MAPK8: variants seen among roughly 807,000 people sequenced by gnomAD.
MAPK8 encodes the protein JUN N-terminal kinase.
In MAPK8, 13 loss-of-function variants were observed where a neutral mutation model predicts 52.9. That is an observed-to-expected ratio of 0.25 (90% CI 0.16 to 0.39). MAPK8 has a LOEUF of 0.39. MAPK8 is among the 10% of genes least tolerant of loss of function. The pLI, the probability that MAPK8 is intolerant of heterozygous loss-of-function variation, is 1.00. For missense variants in MAPK8, 300 were observed against 519.2 expected, an observed-to-expected ratio of 0.58 and a Z score of 4.10; for synonymous variants, 191 against 169.8, an observed-to-expected ratio of 1.12 and a Z score of -0.97.
intron 11 of MAPK8, 80 bp downstream of exon 11, chr10:48,431,350 C>A (rs2044233247): frequency 2.3e-6 from 2 of 871,678 alleles, no homozygotes; most frequent in African/African-American, 3.4e-5. Flanking sequence ...ACCTGCAGTT[C>A]TTCCCATATT....
intron 2 of MAPK8, 79 bp from the exon 3 acceptor site, chr10:48,404,773 G>C (rs2042370983): frequency 8.9e-7 from 1 of 1,124,158 alleles, no homozygotes; most frequent in Admixed American, 2.1e-5. Flanking sequence ...AGTGAGAAAT[G>C]TATATGACTG....
intron 1 of MAPK8, among the ~76,000 whole-genome samples, chr10:48,374,161 A>C (rs1176393016): frequency 6.6e-6 from 1 of 152,188 alleles, no homozygotes; most frequent in Non-Finnish European, 1.5e-5. Flanking sequence ...AAATAACGAA[A>C]TGAAAGCAGA....
chr10:48,357,426 G>A (rs763963841), intron 1 of MAPK8, among the ~76,000 whole-genome samples: 8 of 152,140 alleles, frequency 5.3e-5, no homozygotes, highest in Non-Finnish European at 1.2e-4. Flanking sequence ...ACAGGGTCTC[G>A]CTCTTTTACC....
chr10:48,344,145 T>G (rs1845550103), intron 1 of MAPK8, among the ~76,000 whole-genome samples: 1 of 152,182 alleles, frequency 6.6e-6, no homozygotes, highest in Non-Finnish European at 1.5e-5. Context: ...AGATCACATA[T>G]TTTCACTCTT....
chr10:48,409,573 A>AT (rs1439108197), intron 3 of MAPK8, among the ~76,000 whole-genome samples: 1 of 152,180 alleles, frequency 6.6e-6, no homozygotes, highest in African/African-American at 2.4e-5. Flanking sequence ...GGTAGAAGGG[A>AT]TTTAAGATTT....
intron 1 of MAPK8, among the ~76,000 whole-genome samples, chr10:48,359,086 ATTC>A (rs541762968): frequency 3.6e-4 from 54 of 152,028 alleles, no homozygotes; most frequent in African/African-American, 9.2e-4. Context: ...GGTTTTGCTG[ATTC>A]TTCTTCTGTT....
chr10:48,318,789 G>C (rs1384273472), intron 1 of MAPK8, among the ~76,000 whole-genome samples: 1 of 152,194 alleles, frequency 6.6e-6, no homozygotes, highest in Non-Finnish European at 1.5e-5. Flanking sequence ...TGTCCTCAAT[G>C]AATAAGGAAG....
chr10:48,345,091 G>A (rs1845644137), intron 1 of MAPK8, among the ~76,000 whole-genome samples: 1 of 152,196 alleles, frequency 6.6e-6, no homozygotes, highest in South Asian at 2.1e-4. Flanking sequence ...ATTCAAGGCA[G>A]AAAACATTAA....
intron 1 of MAPK8, among the ~76,000 whole-genome samples, chr10:48,329,251 C>T (rs545042175): frequency 1.7e-4 from 26 of 152,228 alleles, no homozygotes; most frequent in African/African-American, 5.8e-4. Flanking sequence ...CTAGTTAAGT[C>T]GAAAAAGTTG....
At chr10:48,374,077 A>C (rs1394454042) in intron 1 of MAPK8, among the ~76,000 whole-genome samples, 1 of 152,210 alleles carries the variant, frequency 6.6e-6, no homozygotes, top group Non-Finnish European at 1.5e-5. Flanking sequence ...ATTAGAGCTC[A>C]GGATTAAGAA....
At chr10:48,316,617 G>T (rs1842531101) in intron 1 of MAPK8, among the ~76,000 whole-genome samples, 1 of 152,172 alleles carries the variant, frequency 6.6e-6, no homozygotes, top group South Asian at 2.1e-4. Context: ...AGGGTCTTAA[G>T]CTTGGAAAAA....
rs1449144222 is a variant in MAPK8, at chr10:48,435,757, TAAA to T, written c.*731_*733del. The T allele has an allele frequency of 6.6e-6, 1 of 152,148 alleles. No homozygotes were observed. 9.4% of individuals were successfully genotyped at this position (152,148 alleles called of 1,614,324 possible). A position where few individuals can be genotyped will look rare whatever the true frequency, so the allele number is the denominator to read the frequency against. ...CCCCACCCTACCCAACAAAAATAAG[TAAA>T]AAGAATATGGTGTATTCTACAAATT... On this transcript the variant is annotated 3_prime_UTR_variant, in exon 12 of 12. Transcript: ENST00000374189.
At chr10:48,377,850 C>G (rs1250591337) in intron 1 of MAPK8, among the ~76,000 whole-genome samples, 2 of 152,120 alleles carry the variant, frequency 1.3e-5, no homozygotes, top group Non-Finnish European at 2.9e-5. Flanking sequence ...ATCAGGAATT[C>G]TAATTGGTTT....
At chr10:48,410,821 C>T (rs375153187) in intron 5 of MAPK8, among the ~76,000 whole-genome samples, 9 of 152,278 alleles carry the variant, frequency 5.9e-5, no homozygotes, top group African/African-American at 2.2e-4. Context: ...TTCTAGCCAT[C>T]CTAATGGGTA....
At chr10:48,396,486 A>G (rs892413496) in intron 1 of MAPK8, among the ~76,000 whole-genome samples, 3 of 152,186 alleles carry the variant, frequency 2.0e-5, no homozygotes, top group Admixed American at 6.5e-5. Context: ...TCTTTCACAC[A>G]TTGCTGGTGG....
intron 5 of MAPK8, among the ~76,000 whole-genome samples, chr10:48,414,318 A>C (rs747358009): frequency 1.3e-5 from 2 of 152,148 alleles, no homozygotes; most frequent in Admixed American, 6.6e-5. Context: ...TCACTTGATT[A>C]TAATTTGGGT....
intron 1 of MAPK8, among the ~76,000 whole-genome samples, chr10:48,317,665 C>T (rs1842633130): frequency 6.6e-6 from 1 of 152,116 alleles, no homozygotes; most frequent in African/African-American, 2.4e-5. Context: ...GAGTTTGGCC[C>T]TCAGTAGAGG....
chr10:48,351,139 C>T (rs1412392797), intron 1 of MAPK8, among the ~76,000 whole-genome samples: 1 of 152,136 alleles, frequency 6.6e-6, no homozygotes, highest in African/African-American at 2.4e-5. Flanking sequence ...AATGGAAAAA[C>T]ATTCCATGCT....
chr10:48,312,126 A>G (rs1842037043), intron 1 of MAPK8, among the ~76,000 whole-genome samples: 1 of 152,172 alleles, frequency 6.6e-6, no homozygotes, highest in Non-Finnish European at 1.5e-5. Context: ...ATGCCTTTGT[A>G]CTCACTCGAT....
Sources: gnomAD v4.1 joint callset for allele counts (sites outside exome capture counted in the v4.1 genomes callset) on GRCh38, gnomAD v4.1.1 for gene constraint, MANE v1.5 for transcripts, NCBI Gene and HGNC (gene_info 2026-07-23, HGNC 2026-07-21) for gene names.